The following TNR variants were observed in gnomAD, a reference collection of about 807,000 sequenced individuals.
TNR encodes the protein tenascin-R.
In TNR, 45 loss-of-function variants were observed where a neutral mutation model predicts 150.4. That is an observed-to-expected ratio of 0.30 (90% confidence interval 0.24 to 0.38). The LOEUF (loss-of-function observed/expected upper bound fraction) is 0.38, where lower values mean the gene tolerates loss of function less well. Among genes scored for constraint, TNR ranks in the 10% least tolerant of loss-of-function variants. TNR has a pLI of 1.00. For synonymous variants in TNR, 687 were observed against 678.4 expected (o/e 1.01, Z -0.20); for missense variants, 1,544 against 1,759.1 (o/e 0.88, Z 2.19).
intron 2 of TNR, among the ~76,000 whole-genome samples, chr1:175,473,920 T>C (rs1413469955): frequency 2.0e-5 from 3 of 152,166 alleles, no homozygotes; most frequent in African/African-American, 7.2e-5. Context: ...TGGCCGCCTG[T>C]ATGCTTTTAT....
intron 2 of TNR, among the ~76,000 whole-genome samples, chr1:175,472,935 G>A (rs1350856522): frequency 6.6e-6 from 1 of 152,134 alleles, no homozygotes; most frequent in Admixed American, 6.6e-5. Flanking sequence ...ATCTAGCTTT[G>A]GGAGATGACA....
At chr1:175,510,449 A>T (rs1659124342) in intron 2 of TNR, among the ~76,000 whole-genome samples, 1 of 151,970 alleles carries the variant, frequency 6.6e-6, no homozygotes, top group South Asian at 2.1e-4. Context: ...TCAGTTTACA[A>T]CCTCTATCCC....
intron 5 of TNR, among the ~76,000 whole-genome samples, chr1:175,394,513 C>A (rs935630616): frequency 2.0e-5 from 3 of 152,146 alleles, no homozygotes; most frequent in Non-Finnish European, 4.4e-5. Flanking sequence ...CTCTTTTCCT[C>A]CCACCACCCC....
chr1:175,434,439 C>T (rs1465478303), intron 2 of TNR, among the ~76,000 whole-genome samples: 2 of 152,124 alleles, frequency 1.3e-5, no homozygotes, highest in African/African-American at 2.4e-5. Flanking sequence ...TGGCCAGCAC[C>T]GCGGCTGCTC....
chr1:175,687,987 C>G (rs180780307), intron 1 of TNR, among the ~76,000 whole-genome samples: 48 of 152,336 alleles, frequency 3.2e-4, no homozygotes, highest in South Asian at 4.2e-4. Context: ...ATACTAATTG[C>G]TGCTGTGACA....
chr1:175,380,972 G>A (rs74126994), intron 8 of TNR, among the ~76,000 whole-genome samples: 3,935 of 152,296 alleles, frequency 0.026, 157 homozygotes, highest in African/African-American at 0.089. Context: ...CAATGTGAGC[G>A]CAGAGGCTTT....
At chr1:175,479,036 G>T (rs1657666927) in intron 2 of TNR, among the ~76,000 whole-genome samples, 1 of 152,154 alleles carries the variant, frequency 6.6e-6, no homozygotes, top group South Asian at 2.1e-4. Context: ...TACAATAGGT[G>T]CTTGACACTA....
Position 175,695,744 on chromosome 1 carries a change from G to C in TNR, c.-165+47482C>G, listed in dbSNP as rs150681741. Among the ~76,000 whole-genome samples the C allele has an allele frequency of 7.1e-3, 1,076 of 152,196 alleles. 14 individuals carry two copies. The highest frequency in any genetic ancestry group is 0.025 in the African/African-American group (1,029 of 41,514). On this transcript the variant is annotated intron_variant, in intron 1 of 22. Coordinates refer to ENST00000367674, the MANE Select transcript of TNR (RefSeq NM_003285.3). ...TTTTTTGACCCCATTCCAGTAATATGTTTTATTAAACCATGTTCCTTTCCT... is the reference window on the plus strand; with the variant it reads ...TTTTTTGACCCCATTCCAGTAATATCTTTTATTAAACCATGTTCCTTTCCT...
chr1:175,522,563 TAA>T (rs139657969), intron 2 of TNR, among the ~76,000 whole-genome samples: 4 of 150,976 alleles, frequency 2.6e-5, no homozygotes, highest in African/African-American at 9.7e-5. Context: ...AAATAAAAAA[TAA>T]AAAAAAATTG....
chr1:175,331,054 T>TTTCTTTCTTTCTTTCCTTCCTTCC, intron 20 of TNR, among the ~76,000 whole-genome samples: 2 of 105,786 alleles, frequency 1.9e-5, no homozygotes, highest in African/African-American at 7.7e-5. Context: ...TCTTTCTTTC[T>TTTCTTTCTTTCTTTCCTTCCTTCC]TTCTTTCTTT....
chr1:175,526,586 C>T (rs1659854937), intron 2 of TNR, among the ~76,000 whole-genome samples: 2 of 152,172 alleles, frequency 1.3e-5, no homozygotes, highest in Non-Finnish European at 2.9e-5. Flanking sequence ...GCTCAACTCC[C>T]CAAATATCAC....
At chr1:175,359,829 G>T in intron 14 of TNR, 98 bp from the exon 15 acceptor site, 1 of 1,430,124 alleles carries the variant, frequency 7.0e-7, no homozygotes. Context: ...CAAGACTGCT[G>T]CTGCACTCTA....
At chr1:175,494,813 A>T (rs1291770807) in intron 2 of TNR, among the ~76,000 whole-genome samples, 1 of 152,168 alleles carries the variant, frequency 6.6e-6, no homozygotes, top group African/African-American at 2.4e-5. Context: ...ATCGAAGAAA[A>T]ATCTAGACTC....
At chr1:175,473,910 T>C (rs1277446158) in intron 2 of TNR, among the ~76,000 whole-genome samples, 3 of 152,170 alleles carry the variant, frequency 2.0e-5, no homozygotes, top group Admixed American at 1.3e-4. Context: ...AGGAGATTCA[T>C]GGCCGCCTGT....
At chr1:175,495,485 A>T (rs1658448579) in intron 2 of TNR, among the ~76,000 whole-genome samples, 1 of 152,236 alleles carries the variant, frequency 6.6e-6, no homozygotes, top group Non-Finnish European at 1.5e-5. Flanking sequence ...TTTGTTAGGG[A>T]AACAAGAAAT....
At chr1:175,351,810 A>T (rs1446714682) in intron 18 of TNR, among the ~76,000 whole-genome samples, 1 of 152,224 alleles carries the variant, frequency 6.6e-6, no homozygotes, top group Non-Finnish European at 1.5e-5. Flanking sequence ...TGTACCACAG[A>T]AGTAATAATA....
chr1:175,733,223 G>A (rs923753459), intron 1 of TNR, among the ~76,000 whole-genome samples: 1 of 152,198 alleles, frequency 6.6e-6, no homozygotes, highest in East Asian at 1.9e-4. Flanking sequence ...GTGGGAACCG[G>A]GTCCCTTCCC....
At chr1:175,725,449 T>C (rs1470026843) in intron 1 of TNR, among the ~76,000 whole-genome samples, 1 of 152,206 alleles carries the variant, frequency 6.6e-6, no homozygotes, top group Non-Finnish European at 1.5e-5. Context: ...AGATACGACT[T>C]CCACCACTTT....
chr1:175,622,726 T>A (rs1664020402), intron 1 of TNR, among the ~76,000 whole-genome samples: 1 of 152,214 alleles, frequency 6.6e-6, no homozygotes, highest in South Asian at 2.1e-4. Context: ...TGTCATCTGA[T>A]AGTTATGGAA....
Sources: allele counts gnomAD v4.1 joint callset (sites outside exome capture counted in the v4.1 genomes callset), GRCh38; gene constraint gnomAD v4.1.1; transcripts MANE v1.5; gene names NCBI Gene and HGNC (gene_info 2026-07-23, HGNC 2026-07-21).